PAAF1: variants seen among roughly 807,000 people sequenced by gnomAD.
PAAF1 encodes the protein proteasomal ATPase-associated factor 1.
PAAF1 carries 46 observed loss-of-function variants against 52.8 expected under a neutral mutation model. The ratio of observed to expected loss-of-function variants is 0.87; its 90% CI spans 0.69 to 1.11. The LOEUF is 1.11. Ranked by LOEUF, PAAF1 falls within the 50% of genes most tolerant of loss-of-function variation. The pLI, the probability that PAAF1 is intolerant of heterozygous loss-of-function variation, is 0.00. For missense variants in PAAF1, 424 were observed against 477.4 expected (o/e 0.89, Z 1.04); for synonymous variants, 178 against 172.8 (o/e 1.03, Z -0.24).
At chr11:73,899,378 T>G in intron 5 of PAAF1, 134 bp downstream of exon 5, 1 of 564,754 alleles carries the variant, frequency 1.8e-6, no homozygotes. Context: ...ATCTCTTTTC[T>G]CCCATTTGTG....
At chr11:73,886,273 AT>A (rs549015614) in intron 2 of PAAF1, among the ~76,000 whole-genome samples, 1 of 152,210 alleles carries the variant, frequency 6.6e-6, no homozygotes, top group Non-Finnish European at 1.5e-5. Context: ...TCCTGGAAGA[AT>A]TACATTTCAC....
intron 6 of PAAF1, among the ~76,000 whole-genome samples, 164 bp from the exon 7 acceptor site, chr11:73,909,235 G>A (rs113331319): frequency 2.0e-5 from 3 of 152,180 alleles, no homozygotes; most frequent in African/African-American, 7.2e-5. Context: ...TTGGGAAGCT[G>A]GGACTCTATT....
At chr11:73,888,504 A>G (rs955311571) in intron 3 of PAAF1, among the ~76,000 whole-genome samples, 3 of 152,218 alleles carry the variant, frequency 2.0e-5, no homozygotes, top group Admixed American at 6.5e-5. Context: ...TGCAGTTAGT[A>G]TGCTCTGGTG....
At chr11:73,916,311 CA>C (rs1565149416) in intron 8 of PAAF1, among the ~76,000 whole-genome samples, 1 of 151,900 alleles carries the variant, frequency 6.6e-6, no homozygotes, top group Non-Finnish European at 1.5e-5. Context: ...ACTGCTACTT[CA>C]GAGTATATTA....
intron 2 of PAAF1, among the ~76,000 whole-genome samples, chr11:73,883,413 T>A (rs1456565446): frequency 6.6e-6 from 1 of 152,224 alleles, no homozygotes; most frequent in Non-Finnish European, 1.5e-5. Flanking sequence ...AACCACTAGT[T>A]TACTTTCTAG....
intron 8 of PAAF1, among the ~76,000 whole-genome samples, 193 bp downstream of exon 8, chr11:73,914,697 CTTTT>C (rs371949979): frequency 3.9e-5 from 5 of 126,978 alleles, no homozygotes; most frequent in African/African-American, 5.8e-5. Context: ...AATCCCAGTT[CTTTT>C]TTTTTTTTTT....
intron 4 of PAAF1, among the ~76,000 whole-genome samples, chr11:73,893,984 G>T (rs866103648): frequency 1.3e-5 from 2 of 152,208 alleles, no homozygotes; most frequent in African/African-American, 4.8e-5. Context: ...CTTATTTTTT[G>T]TAGCGGTGGA....
Position 73,914,409 on chromosome 11 carries a change from G to A in PAAF1, c.728-4G>A. 6.2e-7 allele frequency: 1 copy of A among 1,613,766 alleles called. No homozygotes were observed. Among genetic ancestry groups the A allele is most frequent in the Non-Finnish European group, 8.5e-7 (1 of 1,179,746 alleles). On this transcript the variant is annotated splice_polypyrimidine_tract_variant and splice_region_variant and intron_variant, in intron 7 of 11. Coordinates refer to ENST00000310571, the MANE Select transcript of PAAF1 (RefSeq NM_025155.3). ...GTTATTAACATAGTTTATTTGTCAT[G>A]CAGGTGAACGGGAGGTTGGAACAGA... is the stretch of plus-strand genomic sequence containing the variant.
intron 6 of PAAF1, among the ~76,000 whole-genome samples, chr11:73,903,283 T>C (rs1949672688): frequency 6.6e-6 from 1 of 152,224 alleles, no homozygotes; most frequent in African/African-American, 2.4e-5. Context: ...TTCCACAGCG[T>C]GGCAAAAATC....
chr11:73,884,134 T>C (rs1366288169), intron 2 of PAAF1, among the ~76,000 whole-genome samples: 1 of 152,088 alleles, frequency 6.6e-6, no homozygotes, highest in Non-Finnish European at 1.5e-5. Flanking sequence ...AGAAGGTAAG[T>C]GGTTGGATTG....
intron 4 of PAAF1, among the ~76,000 whole-genome samples, chr11:73,896,838 C>T (rs1322270336): frequency 6.6e-6 from 1 of 151,706 alleles, no homozygotes; most frequent in Non-Finnish European, 1.5e-5. Context: ...GGGTGGTGGC[C>T]GGGCAGAGGG....
intron 3 of PAAF1, among the ~76,000 whole-genome samples, chr11:73,887,949 C>T (rs1219080139): frequency 2.0e-5 from 3 of 152,088 alleles, no homozygotes; most frequent in Non-Finnish European, 4.4e-5. Context: ...GGGGTTTCAC[C>T]ATGTTGGCCA....
At chr11:73,889,228 G>C in intron 3 of PAAF1, 2 of 1,475,934 alleles carry the variant, frequency 1.4e-6, no homozygotes, top group Non-Finnish European at 1.8e-6. Flanking sequence ...CTGTGAACCT[G>C]CTGAGTGGGT....
At chr11:73,927,077 A>G (rs1054321593) in intron 11 of PAAF1, among the ~76,000 whole-genome samples, 1 of 152,164 alleles carries the variant, frequency 6.6e-6, no homozygotes, top group African/African-American at 2.4e-5. Context: ...TTATATAGTC[A>G]TGGTGCATCC....
intron 3 of PAAF1, chr11:73,888,896 C>G: frequency 2.2e-6 from 1 of 444,516 alleles, no homozygotes; most frequent in Non-Finnish European, 4.0e-6. Flanking sequence ...GGGAATGAGA[C>G]TGCATGTGGA....
intron 3 of PAAF1, among the ~76,000 whole-genome samples, chr11:73,889,882 T>C (rs1425038705): frequency 1.3e-5 from 2 of 152,212 alleles, no homozygotes; most frequent in Non-Finnish European, 2.9e-5. Flanking sequence ...ATATGCTGGC[T>C]AAGAAAGTGC....
chr11:73,877,044 A>G lies in PAAF1; in HGVS notation c.23A>G (p.Gln8Arg), dbSNP rs960054375. 1.3e-6 allele frequency: 2 copies of G among 1,537,754 alleles called. No individual in the cohort carries two copies. Among genetic ancestry groups the G allele is most frequent in the East Asian group, 5.0e-5 (2 of 39,828 alleles). MAAPLRI[Q>R]SDWAQALRKD... The stretch of plus-strand genomic sequence containing the variant: ...GAGATGGCGGCGCCTTTGAGGATTC[A>G]GAGCGACTGGGCGCAAGCCCTCAGG... Residue 8 changes from glutamine (Q) to arginine (R), a missense_variant, in exon 1 of 12, where the codon CAG becomes CGG. Transcript: ENST00000310571.
Position 73,877,082 on chromosome 11 carries a change from C to T in PAAF1, c.47+14C>T. On this transcript the variant is annotated intron_variant, in intron 1 of 11. Transcript: ENST00000310571. ...GCAAGCCCTCAGGTGAATCCAGGCC[C>T]AGAACAGAGTCAGAGGAGGCGGGTA... 2 of 1,525,054 alleles carry T rather than the reference C, an allele frequency of 1.3e-6. No individual in the cohort carries two copies. The highest frequency in any genetic ancestry group is 1.8e-6 in the Non-Finnish European group (2 of 1,132,906). The allele number at this position is 1,525,054 out of a possible 1,614,324, so 94.5% of individuals were successfully genotyped here. A position where few individuals can be genotyped will look rare whatever the true frequency, so the allele number is the denominator to read the frequency against.
At position 73,887,403 on chromosome 11, in the gene PAAF1, TG is replaced by T. The variant is rs1380167824; in HGVS notation, c.140del (p.Gly47AlafsTer13). The T allele has an allele frequency of 6.2e-7, 1 of 1,613,174 alleles. No individual in the cohort carries two copies. Among genetic ancestry groups the T allele is most frequent in the African/African-American group, 1.3e-5 (1 of 74,894 alleles). The part of the protein sequence containing the change: ...SLTCQGIGLD[G>X]IPEVTASEGF... ...TGACTTGTCAAGGAATTGGCCTAGA[TG>T]GCATCCCAGAGGTTACAGCTTCAGA... On this transcript the variant is annotated frameshift_variant, in exon 3 of 12. Transcript: ENST00000310571. LOFTEE classifies it high-confidence loss of function.
Sources: gnomAD v4.1 joint callset for allele counts (sites outside exome capture counted in the v4.1 genomes callset) on GRCh38, gnomAD v4.1.1 for gene constraint, MANE v1.5 for transcripts, NCBI Gene and HGNC (gene_info 2026-07-23, HGNC 2026-07-21) for gene names.